RAP1GAP2: variants seen among roughly 807,000 people sequenced by gnomAD.
RAP1GAP2 encodes RAP1 GTPase activating protein 2, also known as rap1 GTPase-activating protein 2.
A neutral mutation model predicts 95.0 loss-of-function variants in RAP1GAP2; 27 were observed. That is an observed-to-expected ratio of 0.28 (90% CI 0.21 to 0.39). The LOEUF (loss-of-function observed/expected upper bound fraction) is 0.39. Among genes scored for constraint, RAP1GAP2 ranks in the 10% least tolerant of loss-of-function variants. The probability of loss-of-function intolerance (pLI) is 1.00; values close to 1 mark genes in which losing one functional copy is unlikely to be tolerated. For missense variants in RAP1GAP2, 771 were observed against 970.0 expected (o/e 0.79, Z 2.72); for synonymous variants, 373 against 380.9 (o/e 0.98, Z 0.24).
chr17:2,940,082 A>C (rs989721592), intron 3 of RAP1GAP2, among the ~76,000 whole-genome samples: 1 of 152,040 alleles, frequency 6.6e-6, no homozygotes, highest in Admixed American at 6.5e-5. Flanking sequence ...CCTTTTCGTG[A>C]GTGTCCCTGG....
intron 2 of RAP1GAP2, among the ~76,000 whole-genome samples, chr17:2,824,440 C>A (rs1454608404): frequency 7.4e-6 from 1 of 134,876 alleles, no homozygotes; most frequent in Non-Finnish European, 1.6e-5. Flanking sequence ...GAGCTAGACT[C>A]CATCTCAAAA....
intron 11 of RAP1GAP2, among the ~76,000 whole-genome samples, chr17:2,987,084 C>T (rs1217161826): frequency 6.6e-6 from 1 of 152,124 alleles, no homozygotes; most frequent in Non-Finnish European, 1.5e-5. Context: ...GCAGAAGTAG[C>T]AATAGACAAT....
rs556417333 is a variant in RAP1GAP2 at position 2,982,757 on chromosome 17, G to A, written c.729+1509G>A. Reference sequence around the variant, plus strand: ...TTTTGGTTGTCAAATCTTAGCCACCGAGAGGACCAATGGTGTTTATTTGCA... The same window carrying A: ...TTTTGGTTGTCAAATCTTAGCCACCAAGAGGACCAATGGTGTTTATTTGCA... On this transcript the variant is annotated intron_variant, in intron 10 of 24. Transcript: ENST00000254695. Among the ~76,000 whole-genome samples the A allele has an allele frequency of 5.3e-5, 8 of 152,136 alleles. No homozygotes were observed. In the South Asian group the frequency reaches 1.7e-3, roughly 32 times the overall value.
At chr17:2,974,553 A>G (rs1466356776) in intron 8 of RAP1GAP2, among the ~76,000 whole-genome samples, 1 of 152,054 alleles carries the variant, frequency 6.6e-6, no homozygotes, top group Non-Finnish European at 1.5e-5. Context: ...CAAGAAATAG[A>G]TAAAATATGT....
intron 22 of RAP1GAP2, among the ~76,000 whole-genome samples, chr17:3,028,626 A>T (rs1333853135): frequency 6.6e-6 from 1 of 152,076 alleles, no homozygotes; most frequent in Non-Finnish European, 1.5e-5. Flanking sequence ...TTCCACAGCC[A>T]GTGACCCTTT....
chr17:2,964,156 G>T lies in RAP1GAP2; in HGVS notation c.492+88G>T, dbSNP rs938019268. On this transcript the variant is annotated intron_variant, in intron 7 of 24. Transcript: ENST00000254695. Reference sequence around the variant, plus strand: ...GGAGGTACCAGGCGGTAGGGGATGGGGAGAGGTTGAGGGAGGCTGTGGGAG... The same window carrying T: ...GGAGGTACCAGGCGGTAGGGGATGGTGAGAGGTTGAGGGAGGCTGTGGGAG... 2.6e-5 allele frequency: 34 copies of T among 1,304,974 alleles called. No individual in the cohort carries two copies. In the African/African-American group the frequency reaches 4.4e-4, roughly 17 times the overall value. 80.8% of individuals were successfully genotyped at this position (1,304,974 alleles called of 1,614,324 possible).
intron 17 of RAP1GAP2, among the ~76,000 whole-genome samples, chr17:3,013,524 C>T (rs2046637309): frequency 1.3e-5 from 2 of 152,122 alleles, no homozygotes; most frequent in South Asian, 4.1e-4. Flanking sequence ...ACCCAGCCTG[C>T]CGCCTCCTCA....
intron 2 of RAP1GAP2, among the ~76,000 whole-genome samples, chr17:2,821,520 A>G (rs1293279733): frequency 6.6e-6 from 1 of 151,838 alleles, no homozygotes. Context: ...GGACCACAGC[A>G]TCTGCCACCA....
chr17:2,937,215 AT>A (rs762943742), intron 3 of RAP1GAP2, among the ~76,000 whole-genome samples: 10 of 152,136 alleles, frequency 6.6e-5, no homozygotes, highest in Non-Finnish European at 1.3e-4. Context: ...ACCGAGGGTG[AT>A]CTTCCTTGGT....
chr17:2,806,623 G>A (rs192439269), intron 2 of RAP1GAP2, among the ~76,000 whole-genome samples: 27 of 148,890 alleles, frequency 1.8e-4, no homozygotes, highest in African/African-American at 6.4e-4. Context: ...TCTTGAACTC[G>A]TGACCTCAGA....
intron 2 of RAP1GAP2, among the ~76,000 whole-genome samples, chr17:2,816,170 G>C (rs991954756): frequency 6.6e-6 from 1 of 151,970 alleles, no homozygotes; most frequent in African/African-American, 2.4e-5. Flanking sequence ...CCGGCTCCGG[G>C]GGCATCCTGC....
At chr17:2,807,192 C>T (rs1007132078) in intron 2 of RAP1GAP2, among the ~76,000 whole-genome samples, 61 of 152,370 alleles carry the variant, frequency 4.0e-4, no homozygotes, top group African/African-American at 1.3e-3. Flanking sequence ...CCACCGCCTC[C>T]GGCCGTTGAT....
chr17:3,021,809 A>G (rs2046972117), intron 19 of RAP1GAP2, among the ~76,000 whole-genome samples: 1 of 152,228 alleles, frequency 6.6e-6, no homozygotes, highest in Non-Finnish European at 1.5e-5. Context: ...GCTGCAAATG[A>G]CAGGATTACA....
intron 2 of RAP1GAP2, among the ~76,000 whole-genome samples, chr17:2,842,290 G>A (rs2071399644): frequency 6.6e-6 from 1 of 152,072 alleles, no homozygotes. Flanking sequence ...TGCACTTTGG[G>A]AGGGCGAGGC....
rs529885916 is a variant in RAP1GAP2, at chr17:2,934,937, C to T, written c.166-22822C>T. On this transcript the variant is annotated intron_variant, in intron 3 of 24. Transcript: ENST00000254695. ...CGCCTACCAAAACCAACTCGAGTGC[C>T]GTGGGAATTCCAGCTGAGGGGCTTC... 1.3e-4 allele frequency among the ~76,000 whole-genome samples: 20 copies of T among 152,224 alleles called. 1 individual carries two copies. The highest frequency in any genetic ancestry group is 3.1e-4 in the African/African-American group (13 of 41,532).
At chr17:2,851,858 G>C (rs1428533205) in intron 2 of RAP1GAP2, among the ~76,000 whole-genome samples, 1 of 152,140 alleles carries the variant, frequency 6.6e-6, no homozygotes, top group Non-Finnish European at 1.5e-5. Context: ...TGGGATTACA[G>C]GTGTGAGCCA....
chr17:2,824,329 C>T (rs2070445092), intron 2 of RAP1GAP2, among the ~76,000 whole-genome samples: 1 of 151,352 alleles, frequency 6.6e-6, no homozygotes, highest in Non-Finnish European at 1.5e-5. Context: ...CGCCTGTAAT[C>T]TCAGCTACTT....
chr17:2,852,649 C>G (rs1295203882), intron 2 of RAP1GAP2, among the ~76,000 whole-genome samples: 1 of 152,234 alleles, frequency 6.6e-6, no homozygotes, highest in African/African-American at 2.4e-5. Flanking sequence ...CAGGGGGAAC[C>G]TCTTCGGCCC....
At chr17:2,802,443 T>C (rs6502518) in intron 2 of RAP1GAP2, among the ~76,000 whole-genome samples, 120,365 of 152,112 alleles carry the variant, frequency 0.79, 47,777 homozygotes, top group South Asian at 0.84. Flanking sequence ...GATGTGGTGG[T>C]TCACGCCTGT....
Sources: gnomAD v4.1 joint callset for allele counts (sites outside exome capture counted in the v4.1 genomes callset) on GRCh38, gnomAD v4.1.1 for gene constraint, MANE v1.5 for transcripts, NCBI Gene and HGNC (gene_info 2026-07-23, HGNC 2026-07-21) for gene names.